Variants in CCDC60 observed in about 807,000 individuals in gnomAD.
The protein encoded by CCDC60 is coiled-coil domain-containing protein 60.
Under a neutral mutation model 63.5 loss-of-function variants are expected in CCDC60, and 54 were observed. That is an observed-to-expected ratio of 0.85 (90% CI 0.68 to 1.07). The LOEUF (loss-of-function observed/expected upper bound fraction) is 1.07, where lower values mean the gene tolerates loss of function less well. Ranked by LOEUF, CCDC60 falls within the 50% of genes least tolerant of loss-of-function variation. CCDC60 has a pLI of 0.00. For missense variants in CCDC60, 651 were observed against 684.3 expected, an observed-to-expected ratio of 0.95 and a Z score of 0.54; for synonymous variants, 206 against 238.8, an observed-to-expected ratio of 0.86 and a Z score of 1.27.
Position 119,456,001 on chromosome 12 carries a change from GAGAAAGAAAGAAAGAAAGAA to G in CCDC60, c.171-15950_171-15931del, listed in dbSNP as rs753618585. Among the ~76,000 whole-genome samples the G allele has an allele frequency of 1.6e-4, 8 of 51,112 alleles. No individual in the cohort carries two copies. The highest frequency in any genetic ancestry group is 2.7e-4 in the Non-Finnish European group (8 of 29,388). 33.5% of individuals were successfully genotyped at this position (51,112 alleles called of 152,430 possible). On this transcript the variant is annotated intron_variant, in intron 2 of 13. Transcript: ENST00000327554. This position sits in a 1 kb window ranked among gnomAD's most constrained non-coding sequence, Gnocchi z 4.6. ...AGGGAGAGAGAAAGAGAGAGAGAAA[GAGAAAGAAAGAAAGAAAGAA>G]AGAAAGAAAGAAAGAAAGAAAGAAA...
intron 3 of CCDC60, among the ~76,000 whole-genome samples, chr12:119,475,295 A>C (rs1327978103): frequency 1.3e-5 from 2 of 151,856 alleles, no homozygotes; most frequent in East Asian, 3.9e-4. Flanking sequence ...TATGAAAGAC[A>C]CTCCTGTACC....
intron 2 of CCDC60, among the ~76,000 whole-genome samples, chr12:119,451,430 G>A (rs1468141797): frequency 7.0e-6 from 1 of 142,186 alleles, no homozygotes; most frequent in Non-Finnish European, 1.5e-5. Context: ...TATTGTCCTA[G>A]GTCTGCCTGT....
chr12:119,365,669 C>A (rs1592994165), intron 1 of CCDC60, among the ~76,000 whole-genome samples: 1 of 152,224 alleles, frequency 6.6e-6, no homozygotes, highest in Non-Finnish European at 1.5e-5. Flanking sequence ...ACTTTATATT[C>A]TCAGAAGCAG....
chr12:119,523,753 C>A lies in CCDC60; in HGVS notation c.1164C>A (p.Ala388=). 6.2e-7 allele frequency: 1 copy of A among 1,614,184 alleles called. No individual in the cohort carries two copies. Among genetic ancestry groups the A allele is most frequent in the South Asian group, 1.1e-5 (1 of 91,082 alleles). ...GTGGGGTGTGTAACACCATGAGGGC[C>A]AAGTTTTACAGCGTAGCCCAGGAGG... is the stretch of plus-strand genomic sequence containing the variant. ...YKSGVCNTMR[A]KFYSVAQEAG... is the part of the protein sequence containing the mutation. The change falls in exon 11 of 14, where the codon GCC becomes GCA. Residue 388 remains alanine, a synonymous_variant. Coordinates refer to ENST00000327554, the MANE Select transcript of CCDC60 (RefSeq NM_178499.5).
intron 2 of CCDC60, among the ~76,000 whole-genome samples, chr12:119,437,385 C>T (rs769266221): frequency 2.8e-4 from 42 of 152,138 alleles, no homozygotes; most frequent in Non-Finnish European, 4.7e-4. Context: ...ACCTTCTCAG[C>T]CTAGCATTCC....
intron 1 of CCDC60, among the ~76,000 whole-genome samples, chr12:119,388,924 G>A (rs1317990808): frequency 6.6e-6 from 1 of 152,210 alleles, no homozygotes; most frequent in Non-Finnish European, 1.5e-5. Flanking sequence ...GTATCACCAT[G>A]TACAAACAGC....
chr12:119,357,453 A>T (rs1049370052), intron 1 of CCDC60, among the ~76,000 whole-genome samples: 1 of 143,284 alleles, frequency 7.0e-6, no homozygotes, highest in South Asian at 2.2e-4. Context: ...ACTTCATGAG[A>T]TCAGCTTTTT....
At chr12:119,338,522 C>A (rs1955498413) in intron 1 of CCDC60, among the ~76,000 whole-genome samples, 2 of 152,172 alleles carry the variant, frequency 1.3e-5, no homozygotes, top group South Asian at 4.1e-4. Flanking sequence ...GGGCAAGGAA[C>A]AGAACTGGGA....
At chr12:119,378,388 G>T (rs1955976074) in intron 1 of CCDC60, among the ~76,000 whole-genome samples, 1 of 152,188 alleles carries the variant, frequency 6.6e-6, no homozygotes, top group African/African-American at 2.4e-5. Context: ...GAAAGGAAAT[G>T]ATTTGGGGGC....
Position 119,432,760 on chromosome 12 carries a change from TA to T in CCDC60, c.170+3999del, listed in dbSNP as rs535270790. On this transcript the variant is annotated intron_variant, in intron 2 of 13. Coordinates refer to ENST00000327554, the MANE Select transcript of CCDC60 (RefSeq NM_178499.5). ...TATTGAACCAATTATTAAACACAGC[TA>T]TTGTTAAAGATTAATTATATAAATG... Among the ~76,000 whole-genome samples, 621 of 152,326 alleles carry T rather than the reference TA, an allele frequency of 4.1e-3. 2 individuals carry two copies. Among genetic ancestry groups the T allele is most frequent in the African/African-American group, 0.014 (586 of 41,568 alleles).
At chr12:119,411,267 T>C (rs1341041100) in intron 1 of CCDC60, among the ~76,000 whole-genome samples, 1 of 152,138 alleles carries the variant, frequency 6.6e-6, no homozygotes, top group African/African-American at 2.4e-5. Context: ...AAGACATTTT[T>C]CCCCCAGGTA....
intron 4 of CCDC60, among the ~76,000 whole-genome samples, chr12:119,487,685 G>A (rs1488952802): frequency 6.6e-6 from 1 of 152,100 alleles, no homozygotes; most frequent in Admixed American, 6.5e-5. Context: ...ACCTCTCTGA[G>A]CCTCAGTTTC....
At chr12:119,515,982 G>A (rs1346134217) in intron 7 of CCDC60, among the ~76,000 whole-genome samples, 2 of 152,230 alleles carry the variant, frequency 1.3e-5, no homozygotes, top group Non-Finnish European at 2.9e-5. Flanking sequence ...CTCTCTGGCT[G>A]CAGTAGAGTT....
rs1699287502 is a variant in CCDC60 at position 119,540,483 on chromosome 12, GAATGCCCA to G, written c.1552-126_1552-119del. The G allele has an allele frequency of 8.7e-6, 6 of 692,066 alleles. No individual in the cohort carries two copies. In the Admixed American group the frequency reaches 1.3e-4, roughly 15 times the overall value. The allele number at this position is 692,066 out of a possible 1,614,324, so 42.9% of individuals were successfully genotyped here. On this transcript the variant is annotated intron_variant, in intron 13 of 13. Coordinates refer to ENST00000327554, the MANE Select transcript of CCDC60 (RefSeq NM_178499.5). Reference sequence around the variant, plus strand: ...CCCCAATCTGATGCTCCAAGATTATGAATGCCCAAATGGTATTCCTGGGGCCACCAGTC... The same window carrying G: ...CCCCAATCTGATGCTCCAAGATTATGAATGGTATTCCTGGGGCCACCAGTC...
intron 8 of CCDC60, 32 bp downstream of exon 8, chr12:119,516,739 G>C: frequency 6.8e-7 from 1 of 1,462,348 alleles, no homozygotes; most frequent in Non-Finnish European, 9.6e-7. Flanking sequence ...GGCAAATAAA[G>C]CTTAGAATAA....
At position 119,354,064 on chromosome 12, in the gene CCDC60, TTC is replaced by T. The variant is rs757579121; in HGVS notation, c.90+18811_90+18812del. Among the ~76,000 whole-genome samples, 75 of 85,094 alleles carry T rather than the reference TTC, an allele frequency of 8.8e-4. 1 individual carries two copies. The Middle Eastern group carries it at 0.032, about 37-fold the overall frequency. 55.8% of individuals were successfully genotyped at this position (85,094 alleles called of 152,430 possible). ...CTCTCTCCCTGCTTGCTCTCTCTCT[TTC>T]TCTCTCTCTCTCGTCTCTCTCCTAC... is the stretch of plus-strand genomic sequence containing the variant. On this transcript the variant is annotated intron_variant, in intron 1 of 13. Transcript: ENST00000327554.
intron 1 of CCDC60, among the ~76,000 whole-genome samples, chr12:119,390,587 A>C (rs1034924098): frequency 2.6e-4 from 40 of 152,258 alleles, no homozygotes; most frequent in African/African-American, 8.0e-4. Context: ...TCATTCTTTC[A>C]GTATAATGAT....
At chr12:119,501,131 C>A (rs566884859) in intron 6 of CCDC60, among the ~76,000 whole-genome samples, 1 of 152,276 alleles carries the variant, frequency 6.6e-6, no homozygotes, top group South Asian at 2.1e-4. Context: ...GGATATAATG[C>A]CCTTTCCTGC....
chr12:119,349,947 G>T (rs1395697614), intron 1 of CCDC60, among the ~76,000 whole-genome samples: 2 of 152,142 alleles, frequency 1.3e-5, no homozygotes, highest in African/African-American at 2.4e-5. Flanking sequence ...ACCCTTGGGT[G>T]ACAGCCACTC....
Sources: allele counts gnomAD v4.1 joint callset (sites outside exome capture counted in the v4.1 genomes callset), GRCh38; gene constraint gnomAD v4.1.1; non-coding constraint Gnocchi (gnomAD v3.1); transcripts MANE v1.5; gene names NCBI Gene and HGNC (gene_info 2026-07-23, HGNC 2026-07-21).